Variants in TEC observed in about 807,000 individuals in gnomAD.
TEC encodes tyrosine-protein kinase Tec.
Under a neutral mutation model 93.0 loss-of-function variants are expected in TEC, and 72 were observed. That is an observed-to-expected ratio of 0.77 (90% CI 0.64 to 0.94). The LOEUF (loss-of-function observed/expected upper bound fraction) is 0.94. TEC is among the 40% of genes least tolerant of loss of function. TEC has a pLI of 0.00. For missense variants in TEC, 630 were observed against 757.9 expected, an observed-to-expected ratio of 0.83 and a Z score of 1.98; for synonymous variants, 249 against 247.7, an observed-to-expected ratio of 1.01 and a Z score of -0.05.
chr4:48,184,618 C>T (rs1312298946), intron 2 of TEC, among the ~76,000 whole-genome samples: 1 of 152,132 alleles, frequency 6.6e-6, no homozygotes, highest in Non-Finnish European at 1.5e-5. Context: ...TATCATTAGG[C>T]CTCATTTTGC....
At chr4:48,206,576 G>C (rs969571395) in intron 2 of TEC, among the ~76,000 whole-genome samples, 10 of 152,038 alleles carry the variant, frequency 6.6e-5, no homozygotes, top group African/African-American at 2.4e-4. Flanking sequence ...CGTGATAAGA[G>C]AAATGCAAGT....
intron 2 of TEC, among the ~76,000 whole-genome samples, chr4:48,216,976 C>T (rs1292675984): frequency 6.6e-6 from 1 of 152,186 alleles, no homozygotes; most frequent in Non-Finnish European, 1.5e-5. Context: ...TTTGATTAAA[C>T]TCCTCTCTTC....
chr4:48,144,235 A>T (rs551498765), intron 14 of TEC, among the ~76,000 whole-genome samples: 8 of 152,332 alleles, frequency 5.3e-5, no homozygotes, highest in East Asian at 3.9e-4. Context: ...AAATTTTTTT[A>T]AAGTTTTTCT....
At chr4:48,194,788 A>G (rs1452488669) in intron 2 of TEC, among the ~76,000 whole-genome samples, 1 of 152,192 alleles carries the variant, frequency 6.6e-6, no homozygotes, top group Non-Finnish European at 1.5e-5. Flanking sequence ...AAATACTCAA[A>G]GAGAAATACA....
In TEC at chr4:48,170,237, T is replaced by C. The variant is rs554648249; in HGVS notation, c.454+11A>G. On this transcript the variant is annotated intron_variant, in intron 5 of 17. Transcript: ENST00000381501. ...AGCACAATATAATTATGGAATAAAA[T>C]GAATACTTACTGCTCTCAAAAAGAT... is the stretch of plus-strand genomic sequence containing the variant. 22 of 1,575,600 alleles carry C rather than the reference T, an allele frequency of 1.4e-5. No individual in the cohort carries two copies. The highest frequency in any genetic ancestry group is 1.7e-5 in the Admixed American group (1 of 57,544).
intron 1 of TEC, among the ~76,000 whole-genome samples, chr4:48,229,352 T>A (rs1723580121): frequency 1.3e-5 from 2 of 152,238 alleles, no homozygotes; most frequent in Admixed American, 6.5e-5. Context: ...AGACTATTCA[T>A]ACCTAGACTG....
At chr4:48,226,903 T>C (rs1271904756) in intron 2 of TEC, among the ~76,000 whole-genome samples, 1 of 152,250 alleles carries the variant, frequency 6.6e-6, no homozygotes, top group Non-Finnish European at 1.5e-5. Context: ...GTAACAGTTC[T>C]TGTCTAAAAC....
intron 2 of TEC, among the ~76,000 whole-genome samples, chr4:48,225,708 T>C (rs1723432707): frequency 6.6e-6 from 1 of 151,872 alleles, no homozygotes; most frequent in Non-Finnish European, 1.5e-5. Flanking sequence ...TTCTTTTTTT[T>C]TCTTTTTTTT....
At chr4:48,235,304 G>A (rs1277324846) in intron 1 of TEC, among the ~76,000 whole-genome samples, 1 of 152,106 alleles carries the variant, frequency 6.6e-6, no homozygotes, top group African/African-American at 2.4e-5. Flanking sequence ...GTTTGTTGGG[G>A]CCTAGTACAG....
intron 2 of TEC, among the ~76,000 whole-genome samples, chr4:48,193,734 G>A (rs1577740753): frequency 6.6e-6 from 1 of 151,230 alleles, no homozygotes; most frequent in Admixed American, 6.6e-5. Flanking sequence ...GTAGGACTGC[G>A]TGTGTGTTCT....
intron 1 of TEC, among the ~76,000 whole-genome samples, chr4:48,242,680 T>G (rs749428194): frequency 2.6e-5 from 4 of 152,236 alleles, no homozygotes; most frequent in African/African-American, 9.6e-5. Context: ...TTCTGTCCTA[T>G]GCAGGAAGTT....
At chr4:48,257,799 C>CT (rs3072207) in intron 1 of TEC, among the ~76,000 whole-genome samples, 1 of 151,978 alleles carries the variant, frequency 6.6e-6, no homozygotes, top group East Asian at 1.9e-4. Context: ...GTCCACATGC[C>CT]CATTTACCTT....
chr4:48,232,089 G>T (rs1443688516), intron 1 of TEC, among the ~76,000 whole-genome samples: 2 of 152,126 alleles, frequency 1.3e-5, no homozygotes, highest in African/African-American at 4.8e-5. Context: ...AGGGGTTCAA[G>T]ACCAGCCTGG....
In TEC at chr4:48,258,487, C is replaced by A. The variant is rs1724404896; in HGVS notation, c.-46+11265G>T. ...CTGCCATTTTGCATAGACTTGAGATCAACTGTTTAGCTTTTTCATGTCCCA... is the reference window on the plus strand; with the variant it reads ...CTGCCATTTTGCATAGACTTGAGATAAACTGTTTAGCTTTTTCATGTCCCA... On this transcript the variant is annotated intron_variant, in intron 1 of 17. Transcript: ENST00000381501. Among the ~76,000 whole-genome samples the A allele has an allele frequency of 2.0e-5, 3 of 152,112 alleles. No individual in the cohort carries two copies. In the South Asian group the frequency reaches 6.2e-4, roughly 31 times the overall value.
chr4:48,212,110 A>AAAAAAAAAAATAT lies in TEC; in HGVS notation c.138+16366_138+16367insATATTTTTTTTTT. Among the ~76,000 whole-genome samples, 7 of 122,244 alleles carry AAAAAAAAAAATAT rather than the reference A, an allele frequency of 5.7e-5. No individual in the cohort carries two copies. The South Asian group carries it at 1.0e-3, about 17-fold the overall frequency. 80.2% of individuals were successfully genotyped at this position (122,244 alleles called of 152,430 possible). ...TGAGACTCTGTCTCAAAAAAAAAAAAATATATATATATATATATATATGTA... is the reference window on the plus strand; with the variant it reads ...TGAGACTCTGTCTCAAAAAAAAAAAAAAAAAAAAAATATATATATATATATATATATATATGTA... On this transcript the variant is annotated intron_variant, in intron 2 of 17. Transcript: ENST00000381501.
intron 2 of TEC, among the ~76,000 whole-genome samples, chr4:48,180,416 T>C (rs4312730): frequency 0.66 from 99,699 of 151,890 alleles, 32,755 homozygotes; most frequent in Admixed American, 0.75. Context: ...GAGGATTTCA[T>C]AATATGATGG....
At chr4:48,220,415 C>T (rs1270585275) in intron 2 of TEC, among the ~76,000 whole-genome samples, 1 of 151,942 alleles carries the variant, frequency 6.6e-6, no homozygotes, top group Non-Finnish European at 1.5e-5. Flanking sequence ...TCATGAATGG[C>T]CTGGTGCCCT....
chr4:48,218,950 G>A (rs1169696505), intron 2 of TEC, among the ~76,000 whole-genome samples: 1 of 152,186 alleles, frequency 6.6e-6, no homozygotes, highest in East Asian at 1.9e-4. Context: ...GAGAGGCACT[G>A]TGGGTGGAGG....
At chr4:48,250,638 A>G (rs148970250) in intron 1 of TEC, among the ~76,000 whole-genome samples, 23 of 152,304 alleles carry the variant, frequency 1.5e-4, no homozygotes, top group Admixed American at 5.9e-4. Context: ...AGCCTACTAG[A>G]GGGATGTAAT....
Sources: gnomAD v4.1 joint callset for allele counts (sites outside exome capture counted in the v4.1 genomes callset) on GRCh38, gnomAD v4.1.1 for gene constraint, MANE v1.5 for transcripts, NCBI Gene and HGNC (gene_info 2026-07-23, HGNC 2026-07-21) for gene names.